ZNF71: variants seen among roughly 807,000 people sequenced by gnomAD.
ZNF71 encodes zinc finger protein 71, also known as endothelial zinc finger protein induced by tumor necrosis factor alpha.
In ZNF71, 3 loss-of-function variants were observed where a neutral mutation model predicts 6.7. That is an observed-to-expected ratio of 0.45 (90% CI 0.20 to 1.16). ZNF71 has a LOEUF of 1.16. Ranked by LOEUF, ZNF71 falls within the 50% of genes most tolerant of loss-of-function variation. The pLI is 0.25. For missense variants in ZNF71, 688 were observed against 728.6 expected, an observed-to-expected ratio of 0.94 and a Z score of 0.64; for synonymous variants, 343 against 311.1, an observed-to-expected ratio of 1.10 and a Z score of -1.08.
At chr19:56,611,872 T>C (rs1402773600) in intron 2 of ZNF71, among the ~76,000 whole-genome samples, 3 of 152,184 alleles carry the variant, frequency 2.0e-5, no homozygotes, top group Admixed American at 2.0e-4. Context: ...CAGGCCTGTC[T>C]CCCACCTGCT....
In ZNF71 at chr19:56,622,508, G is replaced by A. The variant is rs139192184; in HGVS notation, c.1401G>A (p.Glu467=). The A allele has an allele frequency of 0.02, 31,835 of 1,613,922 alleles. 420 individuals carry two copies. Among genetic ancestry groups the A allele is most frequent in the South Asian group, 0.045 (4,097 of 91,064 alleles). Residue 467 remains glutamate (E), a synonymous_variant, in exon 4 of 4, where the codon GAG becomes GAA. Coordinates refer to ENST00000599599, the MANE Select transcript of ZNF71 (RefSeq NM_001370215.1). ...LIVHQIVHTG[E]KPYVCGECGK... is the part of the protein sequence containing the mutation. The stretch of plus-strand genomic sequence containing the variant: ...TGCACCAGATCGTGCACACCGGGGA[G>A]AAGCCCTACGTGTGCGGCGAGTGCG...
chr19:56,601,754 T>C (rs768031328), intron 2 of ZNF71, among the ~76,000 whole-genome samples, 163 bp downstream of exon 2: 22 of 152,166 alleles, frequency 1.4e-4, no homozygotes, highest in Non-Finnish European at 2.8e-4. Context: ...ACCCTGGCTG[T>C]GGGGTCAGTT....
intron 1 of ZNF71, among the ~76,000 whole-genome samples, chr19:56,600,974 T>A (rs570933137): frequency 1.3e-5 from 2 of 152,222 alleles, no homozygotes; most frequent in Admixed American, 1.3e-4. Flanking sequence ...AGGCCACAGG[T>A]GGTTCTGGGG....
rs910966492 is a variant in ZNF71, at chr19:56,622,648, C to G, written c.1541C>G (p.Thr514Ser). ...TCCTTCATCAAGAACTCCTCCCTCA[C>G]TGTGCACCAGCGGATCCACACGGGC... ...GKSFIKNSSL[T>S]VHQRIHTGEK... The change falls in exon 4 of 4, where the codon ACT becomes AGT. Residue 514 changes from threonine (T) to serine (S), a missense_variant. Transcript: ENST00000599599. 6.2e-7 allele frequency: 1 copy of G among 1,613,776 alleles called. No individual in the cohort carries two copies. The highest frequency in any genetic ancestry group is 8.5e-7 in the Non-Finnish European group (1 of 1,179,942).
chr19:56,618,992 C>T lies in ZNF71; in HGVS notation c.161-2276C>T, dbSNP rs928563163. Among the ~76,000 whole-genome samples, 2 of 152,076 alleles carry T rather than the reference C, an allele frequency of 1.3e-5. No homozygotes were observed. Among genetic ancestry groups the T allele is most frequent in the Non-Finnish European group, 2.9e-5 (2 of 68,022 alleles). ...CAGGCAAGGACCCGTGGTGGCCAGC[C>T]GGCTTTTTGTCAGTGGGGACCGGGA... On this transcript the variant is annotated intron_variant, in intron 3 of 3. Coordinates refer to ENST00000599599, the MANE Select transcript of ZNF71 (RefSeq NM_001370215.1). This position sits in a 1 kb window ranked among gnomAD's most constrained non-coding sequence, Gnocchi z 4.6.
chr19:56,621,926 G>A lies in ZNF71; in HGVS notation c.819G>A (p.Pro273=). 2.5e-6 allele frequency: 4 copies of A among 1,612,658 alleles called. No individual in the cohort carries two copies. Among genetic ancestry groups the A allele is most frequent in the Non-Finnish European group, 3.4e-6 (4 of 1,179,600 alleles). The change falls in exon 4 of 4, where the codon CCG becomes CCA. Residue 273 remains proline, a synonymous_variant. Coordinates refer to ENST00000599599, the MANE Select transcript of ZNF71 (RefSeq NM_001370215.1). ...VHQRTHTGEK[P]YVCDVCGKAF... is the part of the protein sequence containing the mutation. ...AGCGCACGCACACGGGCGAGAAGCC[G>A]TATGTGTGCGACGTGTGTGGCAAGG...
chr19:56,614,038 A>G, intron 3 of ZNF71, 100 bp downstream of exon 3: 1 of 984,148 alleles, frequency 1.0e-6, no homozygotes, highest in Non-Finnish European at 1.2e-6. Flanking sequence ...GACTACATGG[A>G]AAGTTTTAAA....
Position 56,621,560 on chromosome 19 carries a change from A to C in ZNF71, c.453A>C (p.Pro151=). ...FANQGCVLVP[P]RLDDPTEKGA... ...ACCAAGGCTGTGTCCTGGTCCCACC[A>C]CGGCTGGACGACCCCACAGAAAAGG... Residue 151 remains proline, a synonymous_variant, in exon 4 of 4, where the codon CCA becomes CCC. Transcript: ENST00000599599. 1 of 1,614,220 alleles carries C rather than the reference A, an allele frequency of 6.2e-7. No individual in the cohort carries two copies. The highest frequency in any genetic ancestry group is 8.5e-7 in the Non-Finnish European group (1 of 1,180,034).
At chr19:56,608,419 A>G (rs1339962577) in intron 2 of ZNF71, among the ~76,000 whole-genome samples, 1 of 152,036 alleles carries the variant, frequency 6.6e-6, no homozygotes, top group Admixed American at 6.5e-5. Flanking sequence ...AATGTCCCCA[A>G]GGTTCACCCT....
chr19:56,600,985 C>T (rs1047188504), intron 1 of ZNF71, among the ~76,000 whole-genome samples: 3 of 152,148 alleles, frequency 2.0e-5, no homozygotes, highest in Admixed American at 6.5e-5. Context: ...GGTTCTGGGG[C>T]ATCTCAGGGG....
Position 56,613,869 on chromosome 19 carries a change from C to T in ZNF71, c.91C>T (p.Leu31=), listed in dbSNP as rs1568506982. The part of the protein sequence containing the change: ...VDFTQEEWQQ[L]EPAQKDLYRD... ...CTTCACCCAGGAGGAGTGGCAGCAG[C>T]TGGAGCCTGCCCAGAAGGACCTGTA... Residue 31 remains leucine, a synonymous_variant, in exon 3 of 4, where the codon CTG becomes TTG. Transcript: ENST00000599599. This position sits in a 1 kb window ranked among gnomAD's most constrained non-coding sequence, Gnocchi z 4.6. 4 of 1,117,672 alleles carry T rather than the reference C, an allele frequency of 3.6e-6. No homozygotes were observed. The highest frequency in any genetic ancestry group is 4.5e-6 in the Non-Finnish European group (4 of 897,036). The allele number at this position is 1,117,672 out of a possible 1,614,324, so 69.2% of individuals were successfully genotyped here. A position where few individuals can be genotyped will look rare whatever the true frequency, so the allele number is the denominator to read the frequency against.
chr19:56,595,667 G>A (rs1469332465), intron 1 of ZNF71, among the ~76,000 whole-genome samples: 3 of 152,064 alleles, frequency 2.0e-5, no homozygotes, highest in Non-Finnish European at 4.4e-5. Flanking sequence ...GGGCCATCCT[G>A]GGGGGAAGGT....
intron 2 of ZNF71, among the ~76,000 whole-genome samples, chr19:56,605,733 C>G (rs1165669709): frequency 6.6e-6 from 1 of 152,212 alleles, no homozygotes. Flanking sequence ...AGCACCATCT[C>G]TGGAAGTGGC....
chr19:56,610,844 A>G lies in ZNF71; in HGVS notation c.34-2968A>G, dbSNP rs542455422. On this transcript the variant is annotated intron_variant, in intron 2 of 3. Transcript: ENST00000599599. ...TATTTCATGGAGCAGAATGTCCTCAAGGTTCACCCATGTTGTAGCATGTGT... is the reference window on the plus strand; with the variant it reads ...TATTTCATGGAGCAGAATGTCCTCAGGGTTCACCCATGTTGTAGCATGTGT... Among the ~76,000 whole-genome samples the G allele has an allele frequency of 3.3e-5, 5 of 152,326 alleles. No homozygotes were observed. In the South Asian group the frequency reaches 1.0e-3, roughly 32 times the overall value.
In ZNF71 at chr19:56,618,338, T is replaced by A. The variant is rs997776621; in HGVS notation, c.161-2930T>A. 6.6e-6 allele frequency among the ~76,000 whole-genome samples: 1 copy of A among 152,158 alleles called. No individual in the cohort carries two copies. The highest frequency in any genetic ancestry group is 2.4e-5 in the African/African-American group (1 of 41,424). On this transcript the variant is annotated intron_variant, in intron 3 of 3. Transcript: ENST00000599599. The surrounding 1 kb of genome is among the most constrained non-coding windows in gnomAD (Gnocchi z 4.6). Reference sequence around the variant, plus strand: ...TATCTACTACTGTATGTAACTCAAGTATGATTGTGAGGGTCTCCAGAGATC... The same window carrying A: ...TATCTACTACTGTATGTAACTCAAGAATGATTGTGAGGGTCTCCAGAGATC...
Position 56,621,268 on chromosome 19 carries a change from A to G in ZNF71, c.161A>G (p.Asp54Gly). The G allele has an allele frequency of 6.6e-7, 1 of 1,514,386 alleles. No individual in the cohort carries two copies. The highest frequency in any genetic ancestry group is 8.8e-7 in the Non-Finnish European group (1 of 1,132,452). 93.8% of individuals were successfully genotyped at this position (1,514,386 alleles called of 1,614,324 possible). The change falls in exon 4 of 4, where the codon GAC (aspartate) becomes GGC (glycine). Residue 54 changes from aspartate (D) to glycine (G), a missense_variant and splice_region_variant. Transcript: ENST00000599599. ...LENYRNLVSL[D>G]WETRPEMKEL... The stretch of plus-strand genomic sequence containing the variant: ...CATCTTCTGTTTTTGTTTTTTTCAG[A>G]CTGGGAGACTAGACCTGAAATGAAA...
In ZNF71 at chr19:56,621,431, G is replaced by T. The variant is rs200880506; in HGVS notation, c.324G>T (p.Pro108=). 19 of 1,613,866 alleles carry T rather than the reference G, an allele frequency of 1.2e-5. No individual in the cohort carries two copies. The African/African-American group carries it at 2.5e-4, about 22-fold the overall frequency. Residue 108 remains proline, a synonymous_variant, in exon 4 of 4, where the codon CCG becomes CCT. Transcript: ENST00000599599. ...AACCAGGCAGCTGGCCAGAGAGGCC[G>T]CGGGGAGATGCAGGTGCAGAGTGGG... ...VWEPGSWPER[P]RGDAGAEWEP... is the part of the protein sequence containing the mutation.
chr19:56,623,744 T>G lies in ZNF71; in HGVS notation c.*987T>G. The G allele has an allele frequency of 6.0e-6, 1 of 167,200 alleles. No homozygotes were observed. The highest frequency in any genetic ancestry group is 2.4e-5 in the African/African-American group (1 of 41,456). The allele number at this position is 167,200 out of a possible 1,614,324, so 10.4% of individuals were successfully genotyped here. A position where few individuals can be genotyped will look rare whatever the true frequency, so the allele number is the denominator to read the frequency against. ...ATGCTGGGAAGTCCAAGATCAAGGCTCTGGCAGATTTGGTGTCTGATGGGG... is the reference window on the plus strand; with the variant it reads ...ATGCTGGGAAGTCCAAGATCAAGGCGCTGGCAGATTTGGTGTCTGATGGGG... On this transcript the variant is annotated 3_prime_UTR_variant, in exon 4 of 4. Transcript: ENST00000599599.
chr19:56,617,847 A>C (rs552158824), intron 3 of ZNF71, among the ~76,000 whole-genome samples: 8 of 152,106 alleles, frequency 5.3e-5, no homozygotes, highest in South Asian at 2.1e-4. Flanking sequence ...TGCTGCCCCC[A>C]GCTCTCCTGA....
Sources: allele counts gnomAD v4.1 joint callset (sites outside exome capture counted in the v4.1 genomes callset), GRCh38; gene constraint gnomAD v4.1.1; non-coding constraint Gnocchi (gnomAD v3.1); transcripts MANE v1.5; gene names NCBI Gene and HGNC (gene_info 2026-07-23, HGNC 2026-07-21).